Variants in PRKG1 observed in about 807,000 individuals in gnomAD.
The protein encoded by PRKG1 is protein kinase cGMP-dependent 1.
Under a neutral mutation model 88.1 loss-of-function variants are expected in PRKG1, and 35 were observed. The ratio of observed to expected loss-of-function variants is 0.40; its 90% CI spans 0.30 to 0.53. PRKG1 has a LOEUF of 0.53. Ranked by LOEUF, PRKG1 falls within the 20% of genes least tolerant of loss-of-function variation. The pLI, the probability that PRKG1 is intolerant of heterozygous loss-of-function variation, is 0.59. For synonymous variants in PRKG1, 303 were observed against 292.5 expected, an observed-to-expected ratio of 1.04 and a Z score of -0.37; for missense variants, 540 against 839.8, an observed-to-expected ratio of 0.64 and a Z score of 4.41.
chr10:51,740,133 TC>T (rs1452250613), intron 3 of PRKG1, among the ~76,000 whole-genome samples: 9 of 152,042 alleles, frequency 5.9e-5, no homozygotes, highest in Admixed American at 5.2e-4. Flanking sequence ...GCTCAAGTGA[TC>T]CCCCCATCTC....
chr10:51,724,505 C>A (rs1370454561), intron 3 of PRKG1, among the ~76,000 whole-genome samples: 1 of 152,136 alleles, frequency 6.6e-6, no homozygotes, highest in Non-Finnish European at 1.5e-5. Flanking sequence ...CTTATTGGAT[C>A]TGAAAATTCT....
chr10:51,501,796 T>TC (rs1841033513), intron 3 of PRKG1, among the ~76,000 whole-genome samples: 1 of 149,572 alleles, frequency 6.7e-6, no homozygotes, highest in Admixed American at 6.7e-5. Flanking sequence ...GTTTCTTTTT[T>TC]TTTTTTTTTT....
At chr10:52,249,224 C>T (rs1231397039) in intron 9 of PRKG1, among the ~76,000 whole-genome samples, 1 of 151,334 alleles carries the variant, frequency 6.6e-6, no homozygotes, top group Non-Finnish European at 1.5e-5. Flanking sequence ...AAGCCCCCAA[C>T]CTTCTTGCCA....
intron 2 of PRKG1, among the ~76,000 whole-genome samples, chr10:51,403,687 C>G (rs1837823233): frequency 6.6e-6 from 1 of 152,058 alleles, no homozygotes; most frequent in Non-Finnish European, 1.5e-5. Context: ...AACTCTTTCC[C>G]AAGACAGAGC....
At chr10:51,540,494 T>A (rs541191963) in intron 3 of PRKG1, among the ~76,000 whole-genome samples, 168 of 152,270 alleles carry the variant, frequency 1.1e-3, no homozygotes, top group African/African-American at 3.7e-3. Context: ...TAAAGATACC[T>A]AATTGCTTAT....
At chr10:51,516,430 A>G (rs904828717) in intron 3 of PRKG1, among the ~76,000 whole-genome samples, 7 of 148,596 alleles carry the variant, frequency 4.7e-5, no homozygotes, top group African/African-American at 1.5e-4. Context: ...ATTCAATTGG[A>G]AAAAAAAAAA....
At chr10:51,495,375 G>A (rs1419529262) in intron 3 of PRKG1, among the ~76,000 whole-genome samples, 1 of 152,308 alleles carries the variant, frequency 6.6e-6, no homozygotes, top group South Asian at 2.1e-4. Context: ...GATTGCAGGC[G>A]TGAGCCACCG....
intron 2 of PRKG1, among the ~76,000 whole-genome samples, chr10:51,307,287 A>G (rs965370142): frequency 6.6e-6 from 1 of 152,114 alleles, no homozygotes; most frequent in Non-Finnish European, 1.5e-5. Flanking sequence ...TACTGCCCTT[A>G]GCTTTTCAAC....
intron 3 of PRKG1, among the ~76,000 whole-genome samples, chr10:51,547,580 A>G (rs1471705906): frequency 6.6e-6 from 1 of 152,082 alleles, no homozygotes; most frequent in East Asian, 1.9e-4. Flanking sequence ...TCATGACTGA[A>G]TTTGTTTGGA....
At position 51,809,323 on chromosome 10, in the gene PRKG1, A is replaced by G. The variant is rs143045615; in HGVS notation, c.698+4633A>G. Among the ~76,000 whole-genome samples, 3 of 152,152 alleles carry G rather than the reference A, an allele frequency of 2.0e-5. No homozygotes were observed. The East Asian group carries it at 5.8e-4, about 29-fold the overall frequency. ...AAGGTATTCAAAGGGCAGTGCTACT[A>G]AGCATGGCATAATTGCTATAAGTCA... On this transcript the variant is annotated intron_variant, in intron 4 of 17. Transcript: ENST00000373980.
chr10:52,211,189 C>T (rs919290303), intron 9 of PRKG1, among the ~76,000 whole-genome samples: 4 of 152,252 alleles, frequency 2.6e-5, no homozygotes, highest in Admixed American at 6.5e-5. Context: ...TCTGTATACA[C>T]GTATCATGTT....
chr10:51,277,825 G>A (rs1564667157), intron 2 of PRKG1, among the ~76,000 whole-genome samples: 1 of 152,188 alleles, frequency 6.6e-6, no homozygotes, highest in Non-Finnish European at 1.5e-5. Flanking sequence ...CTTTGCTGAA[G>A]TTGCTTATCA....
chr10:51,489,664 T>C (rs1389761838), intron 3 of PRKG1, among the ~76,000 whole-genome samples: 1 of 150,602 alleles, frequency 6.6e-6, no homozygotes, highest in African/African-American at 2.4e-5. Flanking sequence ...TTGGATTTGA[T>C]ATTTTTATAT....
At chr10:51,149,936 G>T (rs1846028235) in intron 1 of PRKG1, among the ~76,000 whole-genome samples, 1 of 151,992 alleles carries the variant, frequency 6.6e-6, no homozygotes, top group African/African-American at 2.4e-5. Flanking sequence ...TATTTCAGAG[G>T]CTGACAATTC....
chr10:51,495,347 G>A lies in PRKG1; in HGVS notation c.592+27511G>A, dbSNP rs563681417. ...TGACCTCAAGTGGTCTGCCCGCCTC[G>A]GCCTCCCAAAGTGTTGGGATTGCAG... is the stretch of plus-strand genomic sequence containing the variant. On this transcript the variant is annotated intron_variant, in intron 3 of 17. Coordinates refer to ENST00000373980, the MANE Select transcript of PRKG1 (RefSeq NM_006258.4). Among the ~76,000 whole-genome samples, 753 of 152,230 alleles carry A rather than the reference G, an allele frequency of 4.9e-3. 4 individuals are homozygous for A. Among genetic ancestry groups the A allele is most frequent in the African/African-American group, 0.017 (726 of 41,544 alleles).
At chr10:51,153,727 G>A (rs538244161) in intron 2 of PRKG1, among the ~76,000 whole-genome samples, 23 of 151,944 alleles carry the variant, frequency 1.5e-4, no homozygotes, top group South Asian at 6.2e-4. Context: ...TTTAATATGT[G>A]ACTAGTTTTC....
chr10:51,947,485 T>C (rs1261170427), intron 5 of PRKG1, among the ~76,000 whole-genome samples: 5 of 152,142 alleles, frequency 3.3e-5, no homozygotes, highest in Non-Finnish European at 7.4e-5. Context: ...TTCCGCCCAC[T>C]GTCTGGCACT....
In PRKG1 at chr10:51,405,667, C is replaced by T. The variant is rs563844144; in HGVS notation, c.479-62056C>T. Among the ~76,000 whole-genome samples the T allele has an allele frequency of 4.5e-4, 68 of 152,302 alleles. 1 individual carries two copies. The South Asian group carries it at 6.6e-3, about 15-fold the overall frequency. On this transcript the variant is annotated intron_variant, in intron 2 of 17. Coordinates refer to ENST00000373980, the MANE Select transcript of PRKG1 (RefSeq NM_006258.4). Reference sequence around the variant, plus strand: ...CCAAATATTTGGCTCTTGTAGACAGCAGTTTCCTGTGCTTGTGTCTCATCC... The same window carrying T: ...CCAAATATTTGGCTCTTGTAGACAGTAGTTTCCTGTGCTTGTGTCTCATCC...
intron 9 of PRKG1, among the ~76,000 whole-genome samples, chr10:52,221,226 C>T (rs1419134848): frequency 6.6e-6 from 1 of 151,936 alleles, no homozygotes; most frequent in Non-Finnish European, 1.5e-5. Flanking sequence ...GACAGAACTG[C>T]CCAGCTGAAT....
Sources: gnomAD v4.1 joint callset for allele counts (sites outside exome capture counted in the v4.1 genomes callset) on GRCh38, gnomAD v4.1.1 for gene constraint, MANE v1.5 for transcripts, NCBI Gene and HGNC (gene_info 2026-07-23, HGNC 2026-07-21) for gene names.